The following AGBL4 variants were observed in gnomAD, a reference collection of about 807,000 sequenced individuals.
The protein encoded by AGBL4 is AGBL carboxypeptidase 4.
AGBL4 carries 58 observed loss-of-function variants against 66.4 expected under a neutral mutation model. The observed-to-expected ratio is 0.87, with a 90% CI of 0.71 to 1.09. The LOEUF (loss-of-function observed/expected upper bound fraction) is 1.09, where lower values mean the gene tolerates loss of function less well. Among genes scored for constraint, AGBL4 ranks in the 50% least tolerant of loss-of-function variants. The pLI, the probability that AGBL4 is intolerant of heterozygous loss-of-function variation, is 0.00. For synonymous variants in AGBL4, 234 were observed against 222.9 expected (o/e 1.05, Z -0.44); for missense variants, 579 against 631.0 (o/e 0.92, Z 0.88).
intron 3 of AGBL4, among the ~76,000 whole-genome samples, chr1:49,268,628 G>A (rs898965837): frequency 7.9e-5 from 12 of 152,064 alleles, no homozygotes; most frequent in Middle Eastern, 3.2e-3. Context: ...TACATCCCTT[G>A]AGGGGGCCTT....
At chr1:49,542,919 A>C (rs1346865116) in intron 3 of AGBL4, among the ~76,000 whole-genome samples, 5 of 150,486 alleles carry the variant, frequency 3.3e-5, no homozygotes, top group Admixed American at 6.6e-5. Flanking sequence ...AAAAAAAAAA[A>C]AAAAAACTCA....
intron 3 of AGBL4, among the ~76,000 whole-genome samples, chr1:49,416,846 G>A (rs185286845): frequency 5.8e-4 from 88 of 152,146 alleles, no homozygotes; most frequent in Admixed American, 9.2e-4. Context: ...ATGTAAGGCA[G>A]CTGACTCACA....
At chr1:49,362,292 G>C (rs968799499) in intron 3 of AGBL4, among the ~76,000 whole-genome samples, 1 of 151,890 alleles carries the variant, frequency 6.6e-6, no homozygotes, top group Non-Finnish European at 1.5e-5. Flanking sequence ...CTACCTTCAG[G>C]AATGACTACA....
At chr1:49,701,432 T>A (rs1647091782) in intron 2 of AGBL4, among the ~76,000 whole-genome samples, 1 of 152,112 alleles carries the variant, frequency 6.6e-6, no homozygotes, top group Non-Finnish European at 1.5e-5. Context: ...TATTTATGGA[T>A]AAGCCTGTGG....
At chr1:48,856,880 T>TTTCTTTA (rs1419732838) in intron 6 of AGBL4, among the ~76,000 whole-genome samples, 2 of 152,196 alleles carry the variant, frequency 1.3e-5, no homozygotes, top group African/African-American at 4.8e-5. Flanking sequence ...CATTCTAGGC[T>TTTCTTTA]TTCTTTATGC....
At chr1:49,661,459 G>A (rs1646268095) in intron 3 of AGBL4, among the ~76,000 whole-genome samples, 2 of 152,008 alleles carry the variant, frequency 1.3e-5, no homozygotes, top group African/African-American at 4.8e-5. Flanking sequence ...AGCAAGATCT[G>A]GTTATTAAGA....
chr1:48,909,553 G>A (rs1404901338), intron 5 of AGBL4, among the ~76,000 whole-genome samples: 1 of 152,204 alleles, frequency 6.6e-6, no homozygotes, highest in East Asian at 1.9e-4. Flanking sequence ...GTTGAAGACT[G>A]CAATTAGAGT....
chr1:49,934,946 G>A (rs550552718), intron 1 of AGBL4, among the ~76,000 whole-genome samples: 44 of 152,312 alleles, frequency 2.9e-4, no homozygotes, highest in African/African-American at 2.2e-4. Context: ...CTGAGGCACC[G>A]GGTTCATCTC....
chr1:49,239,456 G>A (rs188307331), intron 4 of AGBL4, among the ~76,000 whole-genome samples: 1 of 151,816 alleles, frequency 6.6e-6, no homozygotes, highest in East Asian at 1.9e-4. Context: ...CCCAGCAATA[G>A]GAATATGATA....
intron 11 of AGBL4, among the ~76,000 whole-genome samples, chr1:48,577,158 G>A (rs921002265): frequency 3.9e-5 from 6 of 152,328 alleles, no homozygotes; most frequent in Admixed American, 3.9e-4. Flanking sequence ...CCTGAAACTG[G>A]TTGGAGCTAA....
chr1:49,881,496 C>G (rs1214639110), intron 1 of AGBL4, among the ~76,000 whole-genome samples: 3 of 150,932 alleles, frequency 2.0e-5, no homozygotes, highest in South Asian at 4.2e-4. Context: ...AGTTTACAGT[C>G]CCACCAACAG....
intron 5 of AGBL4, among the ~76,000 whole-genome samples, chr1:49,034,452 C>G (rs17105420): frequency 0.046 from 7,051 of 152,084 alleles, 214 homozygotes; most frequent in East Asian, 0.11. Context: ...ATGCCTAGGT[C>G]TCTGTTCTTA....
At chr1:49,290,689 A>G in intron 3 of AGBL4, among the ~76,000 whole-genome samples, 1 of 152,160 alleles carries the variant, frequency 6.6e-6, no homozygotes, top group South Asian at 2.1e-4. Flanking sequence ...TTTTTCATCC[A>G]CAACCAAATG....
At chr1:49,838,675 A>AT (rs1370128415) in intron 2 of AGBL4, among the ~76,000 whole-genome samples, 1 of 152,218 alleles carries the variant, frequency 6.6e-6, no homozygotes, top group African/African-American at 2.4e-5. Flanking sequence ...TTGCTAGTTA[A>AT]TATTTCTTCA....
rs943410615 is a variant in AGBL4 at position 49,957,890 on chromosome 1, G to C, written c.34+65873C>G. Among the ~76,000 whole-genome samples the C allele has an allele frequency of 5.9e-5, 9 of 152,156 alleles. No individual in the cohort carries two copies. In the South Asian group the frequency reaches 1.9e-3, roughly 32 times the overall value. ...GGTTAATATTGTTATGTGTGAATTT[G>C]ATCCTGTCATGATGATGTTAGCTGG... On this transcript the variant is annotated intron_variant, in intron 1 of 13. Coordinates refer to ENST00000371839, the MANE Select transcript of AGBL4 (RefSeq NM_032785.4).
intron 1 of AGBL4, among the ~76,000 whole-genome samples, chr1:50,019,306 TCACACA>T (rs35648756): frequency 6.2e-5 from 3 of 48,402 alleles, no homozygotes; most frequent in Non-Finnish European, 7.4e-5. Flanking sequence ...TCTCTCTCTC[TCACACA>T]CACACACACA....
intron 4 of AGBL4, among the ~76,000 whole-genome samples, chr1:49,191,153 C>T (rs975332725): frequency 3.3e-5 from 5 of 152,182 alleles, no homozygotes; most frequent in African/African-American, 1.2e-4. Flanking sequence ...CTTAAACAGT[C>T]AACTCAGATA....
rs189358727 is a variant in AGBL4 at position 49,317,924 on chromosome 1, C to T, written c.283-72060G>A. Among the ~76,000 whole-genome samples, 186 of 151,958 alleles carry T rather than the reference C, an allele frequency of 1.2e-3. 1 individual carries two copies. The highest frequency in any genetic ancestry group is 6.8e-3 in the Middle Eastern group (2 of 294). ...TTTGTAGTTCTTTATTTGAAAAAAG[C>T]GTTAAAACCACATTACCAAAAATAG... On this transcript the variant is annotated intron_variant, in intron 3 of 13. Transcript: ENST00000371839.
At chr1:50,022,537 T>C (rs1662519751) in intron 1 of AGBL4, among the ~76,000 whole-genome samples, 1 of 151,878 alleles carries the variant, frequency 6.6e-6, no homozygotes. Flanking sequence ...TGAGACATAA[T>C]GGTTCCTCGA....
Sources: gnomAD v4.1 joint callset for allele counts (sites outside exome capture counted in the v4.1 genomes callset) on GRCh38, gnomAD v4.1.1 for gene constraint, MANE v1.5 for transcripts, NCBI Gene and HGNC (gene_info 2026-07-23, HGNC 2026-07-21) for gene names.